Variants in PSMA1 observed in about 807,000 individuals in gnomAD.
PSMA1 encodes the protein proteasome subunit alpha type-1.
A neutral mutation model predicts 38.4 loss-of-function variants in PSMA1; 3 were observed. The ratio of observed to expected loss-of-function variants is 0.08; its 90% CI spans 0.04 to 0.20. The LOEUF (loss-of-function observed/expected upper bound fraction) is 0.20, where lower values mean the gene tolerates loss of function less well. Ranked by LOEUF, PSMA1 falls within the 10% of genes least tolerant of loss-of-function variation. The pLI is 1.00. For missense variants in PSMA1, 227 were observed against 325.3 expected (o/e 0.70, Z 2.32); for synonymous variants, 101 against 107.1 (o/e 0.94, Z 0.35).
intron 2 of PSMA1, among the ~76,000 whole-genome samples, chr11:14,533,111 A>T (rs969400856): frequency 2.0e-5 from 3 of 152,160 alleles, no homozygotes; most frequent in African/African-American, 7.2e-5. Flanking sequence ...TTCTTATTTC[A>T]TAGAAATAAA....
chr11:14,520,406 G>A (rs1411320870), upstream of PSMA1: 2 of 1,612,946 alleles, frequency 1.2e-6, no homozygotes, highest in African/African-American at 1.3e-5. Flanking sequence ...GGAGTTTGAC[G>A]GCGGCGGCGC....
At chr11:14,633,258 C>A (rs1379817759) in intron 1 of PSMA1, among the ~76,000 whole-genome samples, 1 of 152,128 alleles carries the variant, frequency 6.6e-6, no homozygotes, top group African/African-American at 2.4e-5. Flanking sequence ...TTTTCCCCAT[C>A]TTTGTGGTTT....
chr11:14,631,932 G>T (rs1190449398), intron 1 of PSMA1, among the ~76,000 whole-genome samples: 4 of 143,562 alleles, frequency 2.8e-5, no homozygotes, highest in Non-Finnish European at 6.0e-5. Flanking sequence ...GGCCTTCTTT[G>T]TCTCTTTTGA....
At chr11:14,614,831 T>A (rs532380064) in intron 1 of PSMA1, among the ~76,000 whole-genome samples, 5 of 152,342 alleles carry the variant, frequency 3.3e-5, no homozygotes, top group Non-Finnish European at 5.9e-5. Context: ...TTCCTGCCTT[T>A]AGTCTTTCAG....
At position 14,531,517 on chromosome 11, in the gene PSMA1, C is replaced by G. The variant is rs574584831; in HGVS notation, c.22-12476G>C. Among the ~76,000 whole-genome samples, 3 of 152,304 alleles carry G rather than the reference C, an allele frequency of 2.0e-5. No homozygotes were observed. The East Asian group carries it at 5.8e-4, about 29-fold the overall frequency. On this transcript the variant is annotated intron_variant, in intron 2 of 10. Coordinates refer to the PSMA1 transcript ENST00000418988. ...TCATTCTGTCTCCCAGGCTAGAGTG[C>G]AATGGCGCGAACTTAGCTCACCGTA...
chr11:14,592,213 G>T (rs1050777264), intron 2 of PSMA1, among the ~76,000 whole-genome samples: 5 of 152,006 alleles, frequency 3.3e-5, no homozygotes, highest in South Asian at 2.1e-4. Flanking sequence ...TCACCGCGAG[G>T]GTCCGCGGCT....
chr11:14,636,767 G>T (rs1369740167), intron 1 of PSMA1, among the ~76,000 whole-genome samples: 1 of 152,120 alleles, frequency 6.6e-6, no homozygotes, highest in Non-Finnish European at 1.5e-5. Flanking sequence ...GCTAGACCTG[G>T]GGAACCCTCT....
At chr11:14,544,201 C>A (rs996826297) in intron 2 of PSMA1, among the ~76,000 whole-genome samples, 1 of 152,024 alleles carries the variant, frequency 6.6e-6, no homozygotes, top group Non-Finnish European at 1.5e-5. Context: ...GGCTAATTTT[C>A]GTATTTTTTG....
intron 1 of PSMA1, among the ~76,000 whole-genome samples, chr11:14,631,904 C>G (rs1853019537): frequency 6.9e-6 from 1 of 145,078 alleles, no homozygotes; most frequent in African/African-American, 2.6e-5. Flanking sequence ...TGAATTGATC[C>G]CTTTACCATT....
intron 2 of PSMA1, among the ~76,000 whole-genome samples, chr11:14,600,926 C>G (rs1296868429): frequency 6.6e-6 from 1 of 152,198 alleles, no homozygotes; most frequent in Non-Finnish European, 1.5e-5. Flanking sequence ...TTCTTTCCCA[C>G]TTTTGTGTAG....
At chr11:14,595,189 T>C (rs1001131264) in intron 2 of PSMA1, among the ~76,000 whole-genome samples, 1 of 152,250 alleles carries the variant, frequency 6.6e-6, no homozygotes, top group Admixed American at 6.5e-5. Context: ...AAGTCTTTGC[T>C]ATTGTGAATA....
At chr11:14,507,553 C>T (rs11023242) in intron 9 of PSMA1, 103 bp downstream of exon 9, 117,381 of 772,530 alleles carry the variant, frequency 0.15, 9,812 homozygotes, top group African/African-American at 0.2. Context: ...GAATTATGGG[C>T]CCATTTCAAT....
At chr11:14,555,431 C>T (rs1312624543) in intron 2 of PSMA1, among the ~76,000 whole-genome samples, 1 of 151,860 alleles carries the variant, frequency 6.6e-6, no homozygotes, top group Non-Finnish European at 1.5e-5. Context: ...TAGAAACATA[C>T]AAGAATTCTT....
chr11:14,530,116 C>T (rs1851631104), intron 2 of PSMA1, among the ~76,000 whole-genome samples: 3 of 152,164 alleles, frequency 2.0e-5, no homozygotes, highest in African/African-American at 4.8e-5. Flanking sequence ...GAGTCAGACA[C>T]TAGTCCACTG....
At chr11:14,610,581 G>A (rs1852697613) in intron 2 of PSMA1, among the ~76,000 whole-genome samples, 1 of 152,210 alleles carries the variant, frequency 6.6e-6, no homozygotes, top group Non-Finnish European at 1.5e-5. Context: ...CACTTTGAAT[G>A]TCACAAGCCT....
At chr11:14,630,765 G>C (rs1852993121) in intron 1 of PSMA1, among the ~76,000 whole-genome samples, 1 of 152,002 alleles carries the variant, frequency 6.6e-6, no homozygotes, top group Non-Finnish European at 1.5e-5. Flanking sequence ...TGTACCTCTG[G>C]TATAATTCGG....
intron 4 of PSMA1, among the ~76,000 whole-genome samples, chr11:14,515,904 GTTGTT>G (rs1422604190): frequency 6.6e-6 from 1 of 151,720 alleles, no homozygotes; most frequent in African/African-American, 2.4e-5. Flanking sequence ...TGCTGCTGCT[GTTGTT>G]TTAAGAATAG....
At chr11:14,624,456 C>T (rs1316513463) in intron 1 of PSMA1, among the ~76,000 whole-genome samples, 2 of 152,126 alleles carry the variant, frequency 1.3e-5, no homozygotes, top group Admixed American at 6.6e-5. Context: ...CAGGACTAGC[C>T]CTATCTACCA....
intron 1 of PSMA1, among the ~76,000 whole-genome samples, chr11:14,638,527 CTCTCTCTCTCTCTCTCTCTATATATA>C (rs1853141603): frequency 7.9e-5 from 2 of 25,230 alleles, no homozygotes; most frequent in African/African-American, 1.6e-4. Context: ...CTCTCTCTCT[CTCTCTCTCTCTCTCTCTCTATATATA>C]TATATATATA....
Sources: gnomAD v4.1 joint callset for allele counts (sites outside exome capture counted in the v4.1 genomes callset) on GRCh38, gnomAD v4.1.1 for gene constraint, MANE v1.5 for transcripts, NCBI Gene and HGNC (gene_info 2026-07-23, HGNC 2026-07-21) for gene names.